Variants in DTNA observed in about 807,000 individuals in gnomAD.
DTNA encodes the protein dystrobrevin alpha.
DTNA carries 43 observed loss-of-function variants against 100.7 expected under a neutral mutation model. The observed-to-expected ratio is 0.43, with a 90% CI of 0.33 to 0.55. DTNA has a LOEUF of 0.55. Ranked by LOEUF, DTNA falls within the 20% of genes least tolerant of loss-of-function variation. The probability of loss-of-function intolerance (pLI) is 0.04; values close to 1 mark genes in which losing one functional copy is unlikely to be tolerated. For synonymous variants in DTNA, 349 were observed against 347.9 expected (o/e 1.00, Z -0.04); for missense variants, 798 against 953.9 (o/e 0.84, Z 2.15).
chr18:34,564,318 A>G (rs577685124), intron 1 of DTNA, among the ~76,000 whole-genome samples: 58 of 151,940 alleles, frequency 3.8e-4, no homozygotes, highest in African/African-American at 1.4e-3. Flanking sequence ...ACTTTTTTGT[A>G]TTTTTAGTAG....
rs1207020032 is a variant in DTNA at position 34,848,397 on chromosome 18, G to A, written c.1434+14G>A. 1 of 1,613,412 alleles carries A rather than the reference G, an allele frequency of 6.2e-7. No individual in the cohort carries two copies. Among genetic ancestry groups the A allele is most frequent in the African/African-American group, 1.3e-5 (1 of 74,910 alleles). ...TCCTCTTCGTCTGTAAGTAGTTGGA[G>A]TAAAAGGATTCGTCTGTTGGCATCT... is the stretch of plus-strand genomic sequence containing the variant. On this transcript the variant is annotated intron_variant, in intron 14 of 22. Transcript: ENST00000444659.
At chr18:34,826,358 T>C (rs1055867695) in intron 9 of DTNA, among the ~76,000 whole-genome samples, 19 of 152,174 alleles carry the variant, frequency 1.2e-4, no homozygotes, top group Admixed American at 7.9e-4. Flanking sequence ...ACCATATTTG[T>C]GATCTTTTAT....
intron 1 of DTNA, among the ~76,000 whole-genome samples, chr18:34,632,260 A>G (rs1295752139): frequency 1.3e-5 from 2 of 152,174 alleles, no homozygotes; most frequent in Admixed American, 6.5e-5. Flanking sequence ...TACGTATGGG[A>G]CATTTTGTGT....
intron 1 of DTNA, among the ~76,000 whole-genome samples, chr18:34,608,272 C>G (rs990067838): frequency 6.6e-6 from 1 of 152,146 alleles, no homozygotes; most frequent in Non-Finnish European, 1.5e-5. Context: ...TTTGCTATCA[C>G]GGTCAGGAGT....
Position 34,867,887 on chromosome 18 carries a change from G to A in DTNA, c.1743+3825G>A, listed in dbSNP as rs151110663. On this transcript the variant is annotated intron_variant, in intron 17 of 22. Transcript: ENST00000444659. ...GGCCAACAGCGGGTACTGCGGTGTC[G>A]GTACCCAAGGACCAGGGCCCACGTC... The A allele has an allele frequency of 6.0e-5, 59 of 985,358 alleles. No individual in the cohort carries two copies. In the East Asian group the frequency reaches 3.0e-3, roughly 49 times the overall value. 61.0% of individuals were successfully genotyped at this position (985,358 alleles called of 1,614,324 possible). A position where few individuals can be genotyped will look rare whatever the true frequency, so the allele number is the denominator to read the frequency against.
chr18:34,676,331 A>G (rs2077394256), intron 1 of DTNA, among the ~76,000 whole-genome samples: 1 of 152,158 alleles, frequency 6.6e-6, no homozygotes, highest in Non-Finnish European at 1.5e-5. Flanking sequence ...AGCACCCAAA[A>G]TGAATGAAAT....
chr18:34,654,119 A>G (rs2074013844), intron 1 of DTNA, among the ~76,000 whole-genome samples: 1 of 152,188 alleles, frequency 6.6e-6, no homozygotes, highest in Non-Finnish European at 1.5e-5. Flanking sequence ...TCAGTAATTC[A>G]CCTGGTGAGC....
chr18:34,585,321 G>GAGTT (rs1170825684), intron 1 of DTNA, among the ~76,000 whole-genome samples: 2 of 152,086 alleles, frequency 1.3e-5, no homozygotes, highest in Non-Finnish European at 2.9e-5. Context: ...TTCTATTGGA[G>GAGTT]AGTTTGAGGA....
chr18:34,729,062 G>GA (rs911097953), intron 1 of DTNA, among the ~76,000 whole-genome samples: 6 of 150,966 alleles, frequency 4.0e-5, no homozygotes, highest in Admixed American at 3.9e-4. Flanking sequence ...GAAGTCACAA[G>GA]AAAAAAAAGA....
At chr18:34,840,239 C>T (rs1472800826) in intron 13 of DTNA, among the ~76,000 whole-genome samples, 1 of 152,098 alleles carries the variant, frequency 6.6e-6, no homozygotes, top group Admixed American at 6.6e-5. Context: ...CCATCTCTTT[C>T]TTCAAATTTT....
Position 34,838,114 on chromosome 18 carries a change from A to C in DTNA, c.1196A>C (p.Glu399Ala), listed in dbSNP as rs1393340770. 1 of 1,613,882 alleles carries C rather than the reference A, an allele frequency of 6.2e-7. No individual in the cohort carries two copies. Among genetic ancestry groups the C allele is most frequent in the South Asian group, 1.1e-5 (1 of 91,080 alleles). Residue 399 changes from glutamate to alanine, a missense_variant, in exon 12 of 23, where the codon GAA becomes GCA. Around this residue, in one of 6 missense-constraint regions of DTNA, gnomAD observed 159 missense variants for 201.2 expected, o/e 0.79. Coordinates refer to ENST00000444659, the MANE Select transcript of DTNA (RefSeq NM_001386795.1). ...HGARSPPKDSEVEQNKLLARA... is the reference protein window; with the variant it reads ...HGARSPPKDSAVEQNKLLARA... ...ACTAGCTCTCCTCCCAAGGACAGTG[A>C]AGTAGAGCAGAACAAACTGCTGGCT...
At chr18:34,849,092 A>C (rs1377273934) in intron 14 of DTNA, among the ~76,000 whole-genome samples, 1 of 152,224 alleles carries the variant, frequency 6.6e-6, no homozygotes. Flanking sequence ...ACACTGTTAG[A>C]AACTACCATG....
intron 20 of DTNA, among the ~76,000 whole-genome samples, chr18:34,881,437 CTTTTTTT>C (rs752828928): frequency 1.1e-3 from 59 of 51,396 alleles, no homozygotes; most frequent in East Asian, 4.3e-3. Flanking sequence ...AATTAAAATG[CTTTTTTT>C]TTTTTTTTTT....
chr18:34,609,880 A>G (rs556515814), intron 1 of DTNA, among the ~76,000 whole-genome samples: 2 of 152,366 alleles, frequency 1.3e-5, no homozygotes, highest in South Asian at 2.1e-4. Context: ...ATTCTAAACC[A>G]TCAAGAATGA....
intron 1 of DTNA, among the ~76,000 whole-genome samples, chr18:34,714,153 A>G (rs1236190480): frequency 1.3e-5 from 2 of 152,178 alleles, no homozygotes. Flanking sequence ...AGGCATTGCC[A>G]TTCAGGACAT....
At chr18:34,641,152 A>G (rs1316384632) in intron 1 of DTNA, among the ~76,000 whole-genome samples, 1 of 152,204 alleles carries the variant, frequency 6.6e-6, no homozygotes, top group African/African-American at 2.4e-5. Context: ...TAAGGGTAAG[A>G]CAGATAATAA....
chr18:34,873,252 G>A (rs540003659), intron 17 of DTNA, among the ~76,000 whole-genome samples: 2 of 152,230 alleles, frequency 1.3e-5, no homozygotes, highest in South Asian at 2.1e-4. Flanking sequence ...GAGTTCCCAG[G>A]GATGAGACGG....
chr18:34,694,676 G>C (rs1351873839), intron 1 of DTNA, among the ~76,000 whole-genome samples: 3 of 152,060 alleles, frequency 2.0e-5, no homozygotes, highest in Non-Finnish European at 4.4e-5. Context: ...AAGTAAGGTG[G>C]CTGTCTTTTT....
intron 1 of DTNA, among the ~76,000 whole-genome samples, chr18:34,625,383 G>A (rs1299546038): frequency 6.6e-6 from 1 of 152,136 alleles, no homozygotes; most frequent in African/African-American, 2.4e-5. Context: ...ATGTTGCCCA[G>A]GCTGGTCTGG....
Sources: allele counts gnomAD v4.1 joint callset (sites outside exome capture counted in the v4.1 genomes callset), GRCh38; gene constraint gnomAD v4.1.1; regional missense constraint gnomAD v4.1.1; transcripts MANE v1.5; gene names NCBI Gene and HGNC (gene_info 2026-07-23, HGNC 2026-07-21).